RNF4: variants seen among roughly 807,000 people sequenced by gnomAD.
RNF4 encodes the protein E3 ubiquitin-protein ligase RNF4.
Under a neutral mutation model 24.3 loss-of-function variants are expected in RNF4, and 7 were observed. The observed-to-expected ratio is 0.29, with a 90% CI of 0.16 to 0.54. RNF4 has a LOEUF of 0.54. Ranked by LOEUF, RNF4 falls within the 20% of genes least tolerant of loss-of-function variation. The pLI is 0.95. For synonymous variants in RNF4, 83 were observed against 84.3 expected, an observed-to-expected ratio of 0.98 and a Z score of 0.09; for missense variants, 209 against 248.5, an observed-to-expected ratio of 0.84 and a Z score of 1.07.
intron 4 of RNF4, among the ~76,000 whole-genome samples, chr4:2,504,510 CTTT>C (rs1441862005): frequency 6.0e-5 from 9 of 149,332 alleles, no homozygotes; most frequent in Non-Finnish European, 8.9e-5. Flanking sequence ...TTTAAAACTT[CTTT>C]GTTTTATAGC....
chr4:2,512,170 C>A lies in RNF4; in HGVS notation c.214+205C>A. ...GAAACTTCACCACTATCATTGAGCA[C>A]TGAGCTATAGTCCTTTCTTGTGGCC... On this transcript the variant is annotated intron_variant, in intron 5 of 7. Transcript: ENST00000314289. The surrounding 1 kb of genome is among the most constrained non-coding windows in gnomAD (Gnocchi z 4.1). 1.6e-6 allele frequency: 1 copy of A among 644,246 alleles called. No individual in the cohort carries two copies. The highest frequency in any genetic ancestry group is 2.7e-6 in the Non-Finnish European group (1 of 368,722). The allele number at this position is 644,246 out of a possible 1,614,324, so 39.9% of individuals were successfully genotyped here.
chr4:2,510,179 C>T (rs1167292480), intron 4 of RNF4, among the ~76,000 whole-genome samples: 2 of 152,218 alleles, frequency 1.3e-5, no homozygotes, highest in Non-Finnish European at 2.9e-5. Context: ...TGCATTCTTC[C>T]TGCATGGCCG....
intron 3 of RNF4, chr4:2,499,240 A>G (rs1336091131): frequency 2.5e-5 from 11 of 438,014 alleles, no homozygotes; most frequent in Admixed American, 1.3e-4. Flanking sequence ...TTCCCCAAAT[A>G]TTAGACCAAT....
chr4:2,470,442 G>C (rs889225967), intron 1 of RNF4, among the ~76,000 whole-genome samples: 3 of 152,222 alleles, frequency 2.0e-5, no homozygotes, highest in African/African-American at 4.8e-5. Context: ...AGAGGCATTC[G>C]AGTAGCAAGA....
chr4:2,472,619 A>G (rs528204663), intron 1 of RNF4, among the ~76,000 whole-genome samples: 295 of 140,032 alleles, frequency 2.1e-3, no homozygotes, highest in Admixed American at 4.2e-3. Context: ...AAAAAAAAAA[A>G]GGGCGGCAGG....
chr4:2,497,783 C>T (rs867007811), intron 3 of RNF4, among the ~76,000 whole-genome samples: 8 of 152,048 alleles, frequency 5.3e-5, no homozygotes, highest in South Asian at 2.1e-4. Context: ...TATAGGCACC[C>T]GCCACCACAC....
At chr4:2,469,811 C>A in intron 1 of RNF4, 1 of 152,618 alleles carries the variant, frequency 6.6e-6, no homozygotes, top group Non-Finnish European at 1.5e-5. Flanking sequence ...TTAGTAGGGC[C>A]TCGATTTCCG....
At chr4:2,505,347 A>C (rs1214893568) in intron 4 of RNF4, 1 of 139,000 alleles carries the variant, frequency 7.2e-6, no homozygotes. Flanking sequence ...TTTTTTTGAG[A>C]TGGAGTCTCG....
At chr4:2,486,105 T>A (rs1440037299) in intron 1 of RNF4, among the ~76,000 whole-genome samples, 4 of 152,198 alleles carry the variant, frequency 2.6e-5, no homozygotes. Context: ...TTGGGGAAGT[T>A]CCTTAACTTT....
chr4:2,498,801 G>A (rs543116791), intron 3 of RNF4, among the ~76,000 whole-genome samples: 13 of 152,144 alleles, frequency 8.5e-5, no homozygotes, highest in Non-Finnish European at 1.8e-4. Flanking sequence ...TGAGGTAGGA[G>A]GATCACTTGA....
intron 1 of RNF4, among the ~76,000 whole-genome samples, chr4:2,479,402 G>A (rs1735179863): frequency 6.6e-6 from 1 of 152,124 alleles, no homozygotes; most frequent in Admixed American, 6.5e-5. Context: ...ATATGGTTTG[G>A]CTGTGTCCCC....
rs751794780 is a variant in RNF4, at chr4:2,513,759, T to C, written c.513T>C (p.Asn171=). 2 of 1,613,974 alleles carry C rather than the reference T, an allele frequency of 1.2e-6. No individual in the cohort carries two copies. The part of the protein sequence containing the change: ...QCLRDSLKNA[N]TCPTCRKKIN... ...TCCGTGATTCCCTGAAGAATGCTAA[T>C]ACTTGCCCAACTTGTAGGAAAAAGA... Residue 171 remains asparagine, a synonymous_variant, in exon 8 of 8, where the codon AAT becomes AAC. Coordinates refer to ENST00000314289, the MANE Select transcript of RNF4 (RefSeq NM_002938.5).
intron 4 of RNF4, among the ~76,000 whole-genome samples, chr4:2,507,770 G>T (rs777653187): frequency 1.4e-4 from 21 of 152,288 alleles, no homozygotes; most frequent in Non-Finnish European, 2.5e-4. Flanking sequence ...GTCTCTAAAT[G>T]CTCTGACCTA....
At chr4:2,505,372 C>A (rs951119233) in intron 4 of RNF4, 1 of 150,078 alleles carries the variant, frequency 6.7e-6, no homozygotes, top group Non-Finnish European at 1.5e-5. Context: ...GTTGCCCAAG[C>A]TGGAGTACAG....
At chr4:2,513,201 G>C in intron 7 of RNF4, 70 bp downstream of exon 7, 1 of 1,447,442 alleles carries the variant, frequency 6.9e-7, no homozygotes. Context: ...GGATGAGACA[G>C]GATCTTCCCC....
intron 1 of RNF4, among the ~76,000 whole-genome samples, chr4:2,489,279 C>A (rs1179760397): frequency 1.3e-5 from 2 of 152,176 alleles, no homozygotes; most frequent in African/African-American, 4.8e-5. Context: ...GGTAGACGGG[C>A]ACCCAGGGAC....
Position 2,500,714 on chromosome 4 carries a change from T to C in RNF4, c.180T>C (p.Asp60=), listed in dbSNP as rs765540384. ...TCESLEPVVV[D]LTHNDSVVIV... is the part of the protein sequence containing the mutation. ...AATCTTTAGAGCCTGTGGTGGTTGA[T>C]CTGACTCACAATGACTCTGTTGTGG... Residue 60 remains aspartate (D), a synonymous_variant, in exon 4 of 8, where the codon GAT becomes GAC. Transcript: ENST00000314289. 5 of 1,613,928 alleles carry C rather than the reference T, an allele frequency of 3.1e-6. No homozygotes were observed. In the South Asian group the frequency reaches 4.4e-5, roughly 14 times the overall value.
At chr4:2,490,184 A>C (rs1438343655) in intron 1 of RNF4, among the ~76,000 whole-genome samples, 153 bp from the exon 2 acceptor site, 1 of 152,224 alleles carries the variant, frequency 6.6e-6, no homozygotes, top group Non-Finnish European at 1.5e-5. Context: ...AAGAATGCTT[A>C]CTTCCTAAGA....
At chr4:2,475,402 G>C (rs1006526458) in intron 1 of RNF4, among the ~76,000 whole-genome samples, 1 of 152,086 alleles carries the variant, frequency 6.6e-6, no homozygotes, top group African/African-American at 2.4e-5. Flanking sequence ...GCAGTGGCGC[G>C]ATCTCGGCTC....
Sources: gnomAD v4.1 joint callset for allele counts (sites outside exome capture counted in the v4.1 genomes callset) on GRCh38, gnomAD v4.1.1 for gene constraint, Gnocchi (gnomAD v3.1) non-coding constraint, MANE v1.5 for transcripts, NCBI Gene and HGNC (gene_info 2026-07-23, HGNC 2026-07-21) for gene names.